SNX29: variants seen among roughly 807,000 people sequenced by gnomAD.
SNX29 encodes the protein sorting nexin-29.
SNX29 carries 78 observed loss-of-function variants against 102.1 expected under a neutral mutation model. The ratio of observed to expected loss-of-function variants is 0.76; its 90% CI spans 0.64 to 0.92. The LOEUF (loss-of-function observed/expected upper bound fraction) is 0.92. Among genes scored for constraint, SNX29 ranks in the 40% least tolerant of loss-of-function variants. The pLI is 0.00. For synonymous variants in SNX29, 580 were observed against 414.5 expected (o/e 1.40, Z -4.85); for missense variants, 1,280 against 1,061.7 (o/e 1.21, Z -2.86).
At chr16:12,422,083 G>C (rs1355044834) in intron 18 of SNX29, among the ~76,000 whole-genome samples, 1 of 152,172 alleles carries the variant, frequency 6.6e-6, no homozygotes, top group Non-Finnish European at 1.5e-5. Flanking sequence ...GTCATCAACA[G>C]TATTTCATCT....
At chr16:12,297,814 A>G (rs1038432350) in intron 15 of SNX29, among the ~76,000 whole-genome samples, 4 of 152,112 alleles carry the variant, frequency 2.6e-5, no homozygotes, top group African/African-American at 7.2e-5. Flanking sequence ...TCACTGAACA[A>G]CTGTCGAAAC....
chr16:12,275,996 G>T (rs1329690725), intron 14 of SNX29, among the ~76,000 whole-genome samples: 1 of 149,332 alleles, frequency 6.7e-6, no homozygotes, highest in Non-Finnish European at 1.5e-5. Flanking sequence ...TGGTTTAAGT[G>T]ACTCTTCTGC....
At chr16:12,047,246 G>C (rs1385870280) in intron 6 of SNX29, among the ~76,000 whole-genome samples, 1 of 152,202 alleles carries the variant, frequency 6.6e-6, no homozygotes, top group Non-Finnish European at 1.5e-5. Context: ...TTAGTCGGTG[G>C]ACTGTTACGT....
rs185098744 is a variant in SNX29 at position 12,566,119 on chromosome 16, C to G, written c.2319-2387C>G. ...TAAAACCACCCCACCTTTATTCTGT[C>G]CAAGGCTCAGAGGGCAGGCATTTGC... On this transcript the variant is annotated intron_variant, in intron 20 of 20. Coordinates refer to ENST00000566228, the MANE Select transcript of SNX29 (RefSeq NM_032167.5). 3.7e-4 allele frequency among the ~76,000 whole-genome samples: 57 copies of G among 152,354 alleles called. 1 individual carries two copies. The East Asian group carries it at 6.7e-3, about 18-fold the overall frequency.
intron 18 of SNX29, among the ~76,000 whole-genome samples, chr16:12,404,742 A>C (rs1288749623): frequency 1.3e-5 from 2 of 152,180 alleles, no homozygotes; most frequent in Non-Finnish European, 2.9e-5. Flanking sequence ...GATGAGTCTT[A>C]GTTTCTTCAG....
chr16:12,557,947 T>C (rs1374269833), intron 20 of SNX29, among the ~76,000 whole-genome samples: 1 of 152,136 alleles, frequency 6.6e-6, no homozygotes. Flanking sequence ...CATTCACCGC[T>C]TGCCCTGTCT....
At chr16:12,365,677 C>G (rs989197189) in intron 16 of SNX29, among the ~76,000 whole-genome samples, 4 of 143,066 alleles carry the variant, frequency 2.8e-5, no homozygotes, top group African/African-American at 1.1e-4. Context: ...GGTGACAGAG[C>G]AAGACTCCAT....
intron 17 of SNX29, among the ~76,000 whole-genome samples, chr16:12,401,021 C>T (rs1349583776): frequency 3.9e-5 from 6 of 152,120 alleles, no homozygotes; most frequent in African/African-American, 2.4e-5. Flanking sequence ...TTAGTAGAGA[C>T]AGGGTTTCAC....
intron 15 of SNX29, among the ~76,000 whole-genome samples, chr16:12,317,900 C>T (rs965858352): frequency 2.0e-5 from 3 of 152,198 alleles, no homozygotes; most frequent in African/African-American, 7.2e-5. Flanking sequence ...GCCCAGGACC[C>T]GACTGAGAGC....
At chr16:12,132,052 G>C (rs112454998) in intron 13 of SNX29, among the ~76,000 whole-genome samples, 3,649 of 151,970 alleles carry the variant, frequency 0.024, 69 homozygotes, top group South Asian at 0.089. Context: ...GAAGTCTTTA[G>C]AGGTTCTGGT....
At chr16:12,094,088 A>C (rs1194840570) in intron 11 of SNX29, among the ~76,000 whole-genome samples, 1 of 152,204 alleles carries the variant, frequency 6.6e-6, no homozygotes, top group Non-Finnish European at 1.5e-5. Flanking sequence ...AACCTGGGCA[A>C]GTTATTTAAG....
intron 13 of SNX29, among the ~76,000 whole-genome samples, chr16:12,187,288 G>C (rs528090959): frequency 6.6e-6 from 1 of 152,178 alleles, no homozygotes; most frequent in Non-Finnish European, 1.5e-5. Flanking sequence ...AGCTGGGCGC[G>C]GTGGCCCACT....
chr16:12,420,565 C>T (rs909710970), intron 18 of SNX29, among the ~76,000 whole-genome samples: 2 of 152,112 alleles, frequency 1.3e-5, no homozygotes, highest in East Asian at 1.9e-4. Context: ...GACTGAAACC[C>T]GAGTTCACAC....
chr16:12,560,259 C>T (rs565500443), intron 20 of SNX29, among the ~76,000 whole-genome samples: 26 of 151,656 alleles, frequency 1.7e-4, no homozygotes, highest in Admixed American at 6.0e-4. Context: ...TTAAAAATAT[C>T]AGGAACACAG....
At position 12,543,009 on chromosome 16, in the gene SNX29, G is replaced by C. The variant is rs555536447; in HGVS notation, c.2318+18168G>C. Reference sequence around the variant, plus strand: ...ACTATGAAGTCCAGGGACTTGGCTAGCTTCAGGAATGGCTGGATCCAGAGG... The same window carrying C: ...ACTATGAAGTCCAGGGACTTGGCTACCTTCAGGAATGGCTGGATCCAGAGG... On this transcript the variant is annotated intron_variant, in intron 20 of 20. Coordinates refer to ENST00000566228, the MANE Select transcript of SNX29 (RefSeq NM_032167.5). Among the ~76,000 whole-genome samples, 14 of 152,286 alleles carry C rather than the reference G, an allele frequency of 9.2e-5. No homozygotes were observed. The South Asian group carries it at 2.9e-3, about 32-fold the overall frequency.
chr16:12,138,016 C>G (rs1292386881), intron 13 of SNX29, among the ~76,000 whole-genome samples: 1 of 152,096 alleles, frequency 6.6e-6, no homozygotes, highest in African/African-American at 2.4e-5. Flanking sequence ...CAGGACTCAA[C>G]AGAAAAGAGT....
chr16:12,116,702 A>G (rs887882845), intron 11 of SNX29, among the ~76,000 whole-genome samples: 2 of 152,242 alleles, frequency 1.3e-5, no homozygotes, highest in Non-Finnish European at 2.9e-5. Flanking sequence ...GCACTGATAC[A>G]TGCTTCAACG....
At chr16:12,351,686 T>A (rs2081995513) in intron 15 of SNX29, among the ~76,000 whole-genome samples, 4 of 152,172 alleles carry the variant, frequency 2.6e-5, no homozygotes, top group Admixed American at 2.0e-4. Context: ...TTTTTGGAGA[T>A]CATCTTTCCT....
At chr16:12,515,230 A>G (rs1597690778) in intron 19 of SNX29, among the ~76,000 whole-genome samples, 2 of 152,152 alleles carry the variant, frequency 1.3e-5, no homozygotes, top group South Asian at 2.1e-4. Flanking sequence ...TGGCTTTGTC[A>G]CACTGTTTTG....
Sources: gnomAD v4.1 joint callset for allele counts (sites outside exome capture counted in the v4.1 genomes callset) on GRCh38, gnomAD v4.1.1 for gene constraint, MANE v1.5 for transcripts, NCBI Gene and HGNC (gene_info 2026-07-23, HGNC 2026-07-21) for gene names.